KANK1: variants seen among roughly 807,000 people sequenced by gnomAD.
The protein encoded by KANK1 is KN motif and ankyrin repeat domain-containing protein 1.
A neutral mutation model predicts 106.2 loss-of-function variants in KANK1; 109 were observed. The observed-to-expected ratio is 1.03, with a 90% CI of 0.88 to 1.20. The LOEUF (loss-of-function observed/expected upper bound fraction) is 1.20, where lower values mean the gene tolerates loss of function less well. Ranked by LOEUF, KANK1 falls within the 50% of genes most tolerant of loss-of-function variation. The pLI is 0.00. For missense variants in KANK1, 2,399 were observed against 1,710.7 expected (o/e 1.40, Z -7.10); for synonymous variants, 873 against 652.2 (o/e 1.34, Z -5.16).
At chr9:507,261 A>G (rs1179425123) in intron 1 of KANK1, among the ~76,000 whole-genome samples, 1 of 151,418 alleles carries the variant, frequency 6.6e-6, no homozygotes, top group African/African-American at 2.4e-5. Context: ...AGGCTGAGGC[A>G]GGAGGATTGC....
intron 1 of KANK1, among the ~76,000 whole-genome samples, chr9:529,679 G>A (rs2059973200): frequency 6.6e-6 from 1 of 152,110 alleles, no homozygotes; most frequent in African/African-American, 2.4e-5. Flanking sequence ...AGCATAGTAT[G>A]ATTTTAAACT....
rs150751008 is a variant in KANK1, at chr9:621,851, C to T, written c.-83-55039C>T. Among the ~76,000 whole-genome samples the T allele has an allele frequency of 9.3e-3, 1,410 of 152,160 alleles. 30 individuals carry two copies. The highest frequency in any genetic ancestry group is 0.033 in the African/African-American group (1,350 of 41,482). ...AGACTTCACATGTGAACTTTGCCCTCGCCGGTGGAAGGGGTACAGTCCAGA... is the reference window on the plus strand; with the variant it reads ...AGACTTCACATGTGAACTTTGCCCTTGCCGGTGGAAGGGGTACAGTCCAGA... On this transcript the variant is annotated intron_variant, in intron 1 of 11. Transcript: ENST00000382297.
Position 734,730 on chromosome 9 carries a change from TG to T in KANK1, c.3246-17del. ...TTTCTTCTTGTGACCAATCGTAACT[TG>T]TTTTTTCTCCTTTCAGGTATGAATT... On this transcript the variant is annotated splice_polypyrimidine_tract_variant and intron_variant, in intron 6 of 11. Coordinates refer to ENST00000382297, the MANE Select transcript of KANK1 (RefSeq NM_015158.5). The T allele has an allele frequency of 6.5e-7, 1 of 1,546,054 alleles. No individual in the cohort carries two copies. The highest frequency in any genetic ancestry group is 8.9e-7 in the Non-Finnish European group (1 of 1,119,374).
At chr9:710,714 C>A in intron 2 of KANK1, 90 bp from the exon 3 acceptor site, 1 of 1,225,138 alleles carries the variant, frequency 8.2e-7, no homozygotes, top group Non-Finnish European at 1.1e-6. Flanking sequence ...AAAATCATAC[C>A]AGCTTGCTGT....
intron 1 of KANK1, among the ~76,000 whole-genome samples, chr9:629,539 C>G (rs1402444514): frequency 6.6e-6 from 1 of 152,206 alleles, no homozygotes; most frequent in Non-Finnish European, 1.5e-5. Flanking sequence ...CTTAACTATT[C>G]TCCTGCCTTC....
chr9:729,861 G>C (rs535353410), intron 3 of KANK1, among the ~76,000 whole-genome samples, 190 bp from the exon 4 acceptor site: 74 of 152,314 alleles, frequency 4.9e-4, no homozygotes, highest in African/African-American at 1.7e-3. Flanking sequence ...TGTGGAGTTA[G>C]AATGACGAGG....
At chr9:525,420 G>A (rs1014608466) in intron 1 of KANK1, among the ~76,000 whole-genome samples, 3 of 149,836 alleles carry the variant, frequency 2.0e-5, no homozygotes, top group African/African-American at 5.0e-5. Flanking sequence ...TGTGGCCCAG[G>A]CCAAAGTGAA....
chr9:546,299 A>C (rs2060925765), intron 1 of KANK1, among the ~76,000 whole-genome samples: 1 of 152,004 alleles, frequency 6.6e-6, no homozygotes, highest in Admixed American at 6.6e-5. Context: ...GTTATAGCTG[A>C]ATCAGAGAGG....
chr9:476,106 A>G (rs1365733468), intron 3 of KANK1, among the ~76,000 whole-genome samples: 2 of 151,538 alleles, frequency 1.3e-5, no homozygotes, highest in Non-Finnish European at 2.9e-5. Flanking sequence ...CACCTGCTTC[A>G]GCACTCCAGC....
chr9:597,757 G>A (rs564668887), intron 1 of KANK1, among the ~76,000 whole-genome samples: 19 of 151,368 alleles, frequency 1.3e-4, no homozygotes, highest in East Asian at 5.8e-4. Context: ...TCTGTCTCCT[G>A]GGTTCAAGTG....
chr9:496,691 C>T (rs2058463713), intron 3 of KANK1, among the ~76,000 whole-genome samples: 1 of 152,188 alleles, frequency 6.6e-6, no homozygotes, highest in Admixed American at 6.5e-5. Flanking sequence ...TGTTTTTGCA[C>T]ATGTATCATC....
intron 1 of KANK1, among the ~76,000 whole-genome samples, chr9:614,019 A>G (rs2136214856): frequency 6.6e-6 from 1 of 152,246 alleles, no homozygotes; most frequent in Middle Eastern, 3.4e-3. Flanking sequence ...CGCTCCAAGC[A>G]TCTCTGGGTG....
At chr9:519,326 A>C (rs2059443816) in intron 1 of KANK1, among the ~76,000 whole-genome samples, 1 of 151,898 alleles carries the variant, frequency 6.6e-6, no homozygotes, top group Non-Finnish European at 1.5e-5. Flanking sequence ...CCAACTTCTC[A>C]GGATCTGCCA....
intron 1 of KANK1, among the ~76,000 whole-genome samples, chr9:630,566 C>G (rs979577967): frequency 3.9e-5 from 6 of 151,912 alleles, no homozygotes. Flanking sequence ...AAGTAATAAC[C>G]TGAAGAGTAG....
chr9:637,952 C>G (rs1232657715), intron 1 of KANK1, among the ~76,000 whole-genome samples: 1 of 152,110 alleles, frequency 6.6e-6, no homozygotes, highest in African/African-American at 2.4e-5. Context: ...CTCTTTATTC[C>G]ACTGTGCCAT....
chr9:517,910 G>A (rs1167849264), intron 1 of KANK1, among the ~76,000 whole-genome samples: 1 of 151,272 alleles, frequency 6.6e-6, no homozygotes, highest in Middle Eastern at 3.2e-3. Context: ...GCTAATTTTT[G>A]TATTTTTAGT....
intron 1 of KANK1, among the ~76,000 whole-genome samples, chr9:514,370 G>C (rs973040114): frequency 1.4e-5 from 2 of 147,560 alleles, no homozygotes; most frequent in Non-Finnish European, 3.0e-5. Context: ...TCCCTGTTAT[G>C]AGATGGTTCA....
intron 1 of KANK1, among the ~76,000 whole-genome samples, chr9:605,919 G>T (rs1828996198): frequency 6.6e-6 from 1 of 151,686 alleles, no homozygotes; most frequent in African/African-American, 2.4e-5. Flanking sequence ...TGAGGGGAAG[G>T]CCGGGTCTGT....
At chr9:617,495 T>G (rs890654985) in intron 1 of KANK1, among the ~76,000 whole-genome samples, 1 of 152,296 alleles carries the variant, frequency 6.6e-6, no homozygotes, top group East Asian at 1.9e-4. Flanking sequence ...CCAAAGAGGT[T>G]CAGGACCCTG....
Sources: gnomAD v4.1 joint callset for allele counts (sites outside exome capture counted in the v4.1 genomes callset) on GRCh38, gnomAD v4.1.1 for gene constraint, MANE v1.5 for transcripts, NCBI Gene and HGNC (gene_info 2026-07-23, HGNC 2026-07-21) for gene names.